Variants in C10orf67 observed in about 807,000 individuals in gnomAD.
C10orf67 encodes uncharacterized protein C10orf67, mitochondrial.
Under a neutral mutation model 35.6 loss-of-function variants are expected in C10orf67, and 60 were observed. The observed-to-expected ratio is 1.68, with a 90% CI of 1.37 to 2.09. C10orf67 has a LOEUF of 2.09. C10orf67 is among the 30% of genes most tolerant of loss of function. The pLI is 0.00. For synonymous variants in C10orf67, 167 were observed against 115.8 expected, an observed-to-expected ratio of 1.44 and a Z score of -2.84; for missense variants, 474 against 330.2, an observed-to-expected ratio of 1.44 and a Z score of -3.38.
rs1286264937 is a variant in C10orf67, at chr10:23,320,744, G to A, written c.543C>T (p.Tyr181=). The A allele has an allele frequency of 6.3e-7, 1 of 1,587,546 alleles. No individual in the cohort carries two copies. The highest frequency in any genetic ancestry group is 2.3e-5 in the East Asian group (1 of 44,238). ...GGCACCAGAAACAGAAACTCACCTG[G>A]TACATTCCTTTGATAACAGCTATGG... is the stretch of plus-strand genomic sequence containing the variant. ...ADAIAVIKGM[Y]QQFFEVEEEN... The change falls in exon 4 of 16, where the codon TAC becomes TAT. Residue 181 remains tyrosine, a synonymous_variant. Coordinates refer to ENST00000636213, the MANE Select transcript of C10orf67 (RefSeq NM_001371909.1).
At chr10:23,229,802 C>A (rs1275189123) in intron 13 of C10orf67, among the ~76,000 whole-genome samples, 1 of 152,030 alleles carries the variant, frequency 6.6e-6, no homozygotes, top group Admixed American at 6.6e-5. Flanking sequence ...TTCAAGACTT[C>A]TATAGAGTTA....
intron 1 of C10orf67, among the ~76,000 whole-genome samples, chr10:23,339,904 G>A (rs1019778228): frequency 3.9e-5 from 6 of 152,172 alleles, no homozygotes; most frequent in African/African-American, 1.4e-4. Flanking sequence ...AACTAATTCT[G>A]TTTCTGTATA....
intron 12 of C10orf67, among the ~76,000 whole-genome samples, chr10:23,240,241 G>A (rs1842148321): frequency 6.6e-6 from 1 of 151,988 alleles, no homozygotes. Flanking sequence ...AAACTTACAT[G>A]TTTTTCAGCT....
At chr10:23,308,436 C>G (rs1456666666) in intron 4 of C10orf67, among the ~76,000 whole-genome samples, 1 of 152,204 alleles carries the variant, frequency 6.6e-6, no homozygotes, top group Non-Finnish European at 1.5e-5. Flanking sequence ...AAACGGCAGC[C>G]TTCATGATCT....
At chr10:23,290,719 C>A (rs955373963) in intron 6 of C10orf67, among the ~76,000 whole-genome samples, 5 of 152,204 alleles carry the variant, frequency 3.3e-5, no homozygotes. Flanking sequence ...TCCTGAAGGG[C>A]TAACTCTGTT....
At chr10:23,342,805 T>C (rs967525989) in intron 1 of C10orf67, among the ~76,000 whole-genome samples, 1 of 152,224 alleles carries the variant, frequency 6.6e-6, no homozygotes, top group African/African-American at 2.4e-5. Context: ...CCAGGAGCAT[T>C]GCCTCACTGG....
intron 4 of C10orf67, among the ~76,000 whole-genome samples, chr10:23,309,011 C>T (rs1379150193): frequency 1.3e-5 from 2 of 152,018 alleles, no homozygotes; most frequent in Middle Eastern, 3.2e-3. Context: ...TTATTATTTG[C>T]TTACTTTCTA....
intron 2 of C10orf67, among the ~76,000 whole-genome samples, chr10:23,332,149 A>G (rs535517292): frequency 1.3e-5 from 2 of 152,370 alleles, no homozygotes; most frequent in Admixed American, 1.3e-4. Flanking sequence ...AGAAATGACC[A>G]AAATGTCCAT....
At chr10:23,237,636 G>T (rs1842082731) in intron 13 of C10orf67, among the ~76,000 whole-genome samples, 1 of 152,114 alleles carries the variant, frequency 6.6e-6, no homozygotes, top group Non-Finnish European at 1.5e-5. Flanking sequence ...CAATAACATG[G>T]GTGGATCTTA....
At chr10:23,231,090 G>A (rs1841894416) in intron 13 of C10orf67, among the ~76,000 whole-genome samples, 1 of 151,964 alleles carries the variant, frequency 6.6e-6, no homozygotes, top group Admixed American at 6.6e-5. Flanking sequence ...CTCAGTCTCA[G>A]GCACGTGCCA....
intron 4 of C10orf67, among the ~76,000 whole-genome samples, chr10:23,314,525 CACAA>C (rs759944008): frequency 6.9e-6 from 1 of 144,216 alleles, no homozygotes. Context: ...CACACACACA[CACAA>C]ACTTATTATC....
At chr10:23,275,247 G>A (rs1843153811) in intron 8 of C10orf67, among the ~76,000 whole-genome samples, 1 of 152,186 alleles carries the variant, frequency 6.6e-6, no homozygotes, top group Non-Finnish European at 1.5e-5. Context: ...CTACTTGGGA[G>A]GCTGAGGTGG....
At chr10:23,220,146 T>C (rs1841539489) in intron 15 of C10orf67, among the ~76,000 whole-genome samples, 1 of 151,904 alleles carries the variant, frequency 6.6e-6, no homozygotes, top group African/African-American at 2.4e-5. Context: ...CACTCCAGCC[T>C]GGATGACAGA....
In C10orf67 at chr10:23,344,436, G is replaced by A. The variant is rs547475638; in HGVS notation, c.206+133C>T. On this transcript the variant is annotated intron_variant, in intron 1 of 15. Coordinates refer to ENST00000636213, the MANE Select transcript of C10orf67 (RefSeq NM_001371909.1). ...CGCCTGCCTCAAGGCTTCCCCACAA[G>A]ACTCCCACAGCCTGGAGGCTGCTGC... 3.3e-6 allele frequency: 3 copies of A among 896,696 alleles called. No individual in the cohort carries two copies. The East Asian group carries it at 8.0e-5, about 24-fold the overall frequency. 55.5% of individuals were successfully genotyped at this position (896,696 alleles called of 1,614,324 possible). A position where few individuals can be genotyped will look rare whatever the true frequency, so the allele number is the denominator to read the frequency against.
chr10:23,269,000 C>T (rs1403538579), intron 8 of C10orf67, among the ~76,000 whole-genome samples: 2 of 152,200 alleles, frequency 1.3e-5, no homozygotes, highest in Non-Finnish European at 2.9e-5. Context: ...CATTATGCAA[C>T]ACATGGCTGT....
chr10:23,246,288 C>T (rs1842314636), intron 12 of C10orf67, among the ~76,000 whole-genome samples: 1 of 152,068 alleles, frequency 6.6e-6, no homozygotes, highest in Non-Finnish European at 1.5e-5. Context: ...ATCTGTACAC[C>T]AAACCCCTAA....
At chr10:23,328,280 C>A (rs141256942) in intron 2 of C10orf67, among the ~76,000 whole-genome samples, 8 of 152,058 alleles carry the variant, frequency 5.3e-5, no homozygotes, top group Non-Finnish European at 1.2e-4. Flanking sequence ...CGGCAATGTG[C>A]ATAGCTAAAA....
In C10orf67 at chr10:23,344,704, G is replaced by A. The variant is rs369162185; in HGVS notation, c.71C>T (p.Ser24Phe). The A allele has an allele frequency of 3.0e-5, 47 of 1,573,674 alleles. No homozygotes were observed. In the African/African-American group the frequency reaches 5.8e-4, roughly 19 times the overall value. ...GCCAAAGGTCCCCCTCAAGGAGGAG[G>A]AAAAGCAGTGAACCCATCTAATAAC... ...SIVIRWVHCF[S>F]SSLRGTFGTR... Residue 24 changes from serine to phenylalanine, a missense_variant, in exon 1 of 16, where the codon TCC becomes TTC. By Grantham distance (155) the Ser-to-Phe change is radical. Transcript: ENST00000636213.
chr10:23,288,690 G>A (rs903555565), intron 7 of C10orf67, among the ~76,000 whole-genome samples: 4 of 152,182 alleles, frequency 2.6e-5, no homozygotes, highest in African/African-American at 9.7e-5. Context: ...TTAGGCACAT[G>A]TGGTGGCTAA....
Sources: gnomAD v4.1 joint callset for allele counts (sites outside exome capture counted in the v4.1 genomes callset) on GRCh38, gnomAD v4.1.1 for gene constraint, MANE v1.5 for transcripts, NCBI Gene and HGNC (gene_info 2026-07-23, HGNC 2026-07-21) for gene names.